The following PDE4D variants were observed in gnomAD, a reference collection of about 807,000 sequenced individuals.
PDE4D encodes the protein 3',5'-cyclic-AMP phosphodiesterase 4D.
In PDE4D, 24 loss-of-function variants were observed where a neutral mutation model predicts 87.4. The ratio of observed to expected loss-of-function variants is 0.27; its 90% CI spans 0.20 to 0.39. The LOEUF (loss-of-function observed/expected upper bound fraction) is 0.39, where lower values mean the gene tolerates loss of function less well. PDE4D is among the 10% of genes least tolerant of loss of function. The pLI is 1.00. For missense variants in PDE4D, 714 were observed against 1,041.0 expected (o/e 0.69, Z 4.32); for synonymous variants, 384 against 383.2 (o/e 1.00, Z -0.02).
At chr5:60,155,345 A>T (rs1188805748) in intron 2 of PDE4D, among the ~76,000 whole-genome samples, 1 of 152,018 alleles carries the variant, frequency 6.6e-6, no homozygotes, top group African/African-American at 2.4e-5. Context: ...GATTAGATTG[A>T]GCCCCTTTTT....
At chr5:59,914,120 T>C (rs1753733754) in intron 3 of PDE4D, among the ~76,000 whole-genome samples, 1 of 152,206 alleles carries the variant, frequency 6.6e-6, no homozygotes, top group African/African-American at 2.4e-5. Flanking sequence ...TTCATATAAC[T>C]TATTTATTTA....
At chr5:59,735,387 C>T (rs367963613) in intron 1 of PDE4D, among the ~76,000 whole-genome samples, 1 of 152,138 alleles carries the variant, frequency 6.6e-6, no homozygotes, top group Non-Finnish European at 1.5e-5. Context: ...AAATTATTCA[C>T]CAACTGCCTT....
At chr5:60,185,561 T>C (rs1784713359) in exon 2 of PDE4D, 2 of 1,528,510 alleles carry the variant, frequency 1.3e-6, no homozygotes, top group Non-Finnish European at 1.8e-6. Context: ...ACTTACACTT[T>C]TGCTCCGAGA....
At chr5:59,569,226 A>G (rs1168531031) in intron 1 of PDE4D, among the ~76,000 whole-genome samples, 1 of 152,204 alleles carries the variant, frequency 6.6e-6, no homozygotes, top group Non-Finnish European at 1.5e-5. Flanking sequence ...TCTTTAGAAG[A>G]CCATAAATCA....
At chr5:58,981,955 A>G (rs1745265550) in intron 11 of PDE4D, among the ~76,000 whole-genome samples, 1 of 152,192 alleles carries the variant, frequency 6.6e-6, no homozygotes, top group African/African-American at 2.4e-5. Flanking sequence ...CACCCCAGTC[A>G]ACACTGTAAT....
intron 1 of PDE4D, among the ~76,000 whole-genome samples, chr5:60,347,620 G>C (rs919917361): frequency 6.6e-6 from 1 of 152,052 alleles, no homozygotes; most frequent in African/African-American, 2.4e-5. Flanking sequence ...ATATTTAAAT[G>C]CAGACATGAT....
intron 3 of PDE4D, among the ~76,000 whole-genome samples, chr5:59,904,864 A>G (rs1440363156): frequency 6.6e-6 from 1 of 152,138 alleles, no homozygotes. Flanking sequence ...TTTTTATTAA[A>G]TTGTTAAATT....
At chr5:59,794,489 C>T (rs73758890) in intron 1 of PDE4D, among the ~76,000 whole-genome samples, 8,694 of 151,984 alleles carry the variant, frequency 0.057, 829 homozygotes, top group African/African-American at 0.2. Context: ...TCCTTCCCTC[C>T]CTCCCTCCTG....
chr5:59,728,224 C>T (rs1418286515), intron 1 of PDE4D, among the ~76,000 whole-genome samples: 2 of 151,918 alleles, frequency 1.3e-5, no homozygotes, highest in African/African-American at 2.4e-5. Flanking sequence ...TGATCTATCC[C>T]GACTCTAAAG....
chr5:59,618,052 C>A (rs148584585), intron 1 of PDE4D, among the ~76,000 whole-genome samples: 1 of 151,724 alleles, frequency 6.6e-6, no homozygotes, highest in Non-Finnish European at 1.5e-5. Flanking sequence ...TCATTTCATT[C>A]CTTCAACAAT....
Position 60,455,501 on chromosome 5 carries a change from T to C in PDE4D, c.-90+32441A>G, listed in dbSNP as rs144867347. 3.5e-4 allele frequency among the ~76,000 whole-genome samples: 54 copies of C among 152,284 alleles called. 1 individual carries two copies. Among genetic ancestry groups the C allele is most frequent in the Non-Finnish European group, 5.9e-5 (4 of 68,014 alleles). The stretch of plus-strand genomic sequence containing the variant: ...GGAGAAAGGATAAAATAAGCCCATG[T>C]AAAATTGCCTAGACTCTGAACAAGC... On this transcript the variant is annotated intron_variant, in intron 1 of 16. Transcript: ENST00000502484.
chr5:59,459,526 C>A (rs1325986660), intron 1 of PDE4D, among the ~76,000 whole-genome samples: 2 of 152,222 alleles, frequency 1.3e-5, no homozygotes, highest in African/African-American at 4.8e-5. Flanking sequence ...TTTAATATTA[C>A]CCAGGTGAAG....
chr5:60,151,861 T>C (rs562383806), intron 2 of PDE4D, among the ~76,000 whole-genome samples: 1 of 152,342 alleles, frequency 6.6e-6, no homozygotes, highest in Admixed American at 6.5e-5. Flanking sequence ...CACTGAGTAT[T>C]CAGTTAGCTG....
chr5:59,835,006 A>G (rs1741790601), intron 1 of PDE4D, among the ~76,000 whole-genome samples: 1 of 152,054 alleles, frequency 6.6e-6, no homozygotes, highest in African/African-American at 2.4e-5. Context: ...ATACACAATC[A>G]GATAGTCCTT....
At chr5:60,308,241 A>G (rs1160399003) in intron 1 of PDE4D, among the ~76,000 whole-genome samples, 1 of 152,250 alleles carries the variant, frequency 6.6e-6, no homozygotes, top group Non-Finnish European at 1.5e-5. Context: ...CTTAAAGCCT[A>G]GTAATTTTCA....
intron 2 of PDE4D, among the ~76,000 whole-genome samples, chr5:60,177,261 G>T (rs902296447): frequency 5.9e-5 from 9 of 152,010 alleles, no homozygotes; most frequent in African/African-American, 2.2e-4. Context: ...GAAATGCAGG[G>T]GTCAAAATGG....
intron 1 of PDE4D, among the ~76,000 whole-genome samples, chr5:59,701,755 GA>G (rs1752604588): frequency 1.3e-5 from 2 of 152,188 alleles, no homozygotes; most frequent in Admixed American, 1.3e-4. Context: ...TAGTTGATGT[GA>G]ATCTTCTTCA....
intron 1 of PDE4D, among the ~76,000 whole-genome samples, chr5:59,712,490 G>C (rs994515863): frequency 7.6e-5 from 11 of 143,884 alleles, no homozygotes; most frequent in African/African-American, 2.6e-4. Context: ...TTGTTACCAG[G>C]GATTTATAAC....
chr5:59,678,903 G>A (rs965323425), intron 1 of PDE4D, among the ~76,000 whole-genome samples: 1 of 152,290 alleles, frequency 6.6e-6, no homozygotes, highest in East Asian at 1.9e-4. Context: ...TTTTGACATG[G>A]AGTGTTACCA....
Sources: gnomAD v4.1 joint callset for allele counts (sites outside exome capture counted in the v4.1 genomes callset) on GRCh38, gnomAD v4.1.1 for gene constraint, MANE v1.5 for transcripts, NCBI Gene and HGNC (gene_info 2026-07-23, HGNC 2026-07-21) for gene names.